The following PADI2 variants were observed in gnomAD, a reference collection of about 807,000 sequenced individuals.
The protein encoded by PADI2 is peptidyl arginine deiminase 2.
A neutral mutation model predicts 81.1 loss-of-function variants in PADI2; 70 were observed. The observed-to-expected ratio is 0.86, with a 90% CI of 0.71 to 1.05. The LOEUF is 1.05. Ranked by LOEUF, PADI2 falls within the 50% of genes least tolerant of loss-of-function variation. The pLI, the probability that PADI2 is intolerant of heterozygous loss-of-function variation, is 0.00. For synonymous variants in PADI2, 338 were observed against 358.0 expected (o/e 0.94, Z 0.63); for missense variants, 853 against 889.9 (o/e 0.96, Z 0.53).
At chr1:17,077,522 A>G (rs1308552813) in intron 11 of PADI2, among the ~76,000 whole-genome samples, 1 of 152,054 alleles carries the variant, frequency 6.6e-6, no homozygotes, top group African/African-American at 2.4e-5. Flanking sequence ...AAGTCCCTCC[A>G]TTTCATCAGG....
intron 2 of PADI2, among the ~76,000 whole-genome samples, chr1:17,103,876 C>T (rs950366030): frequency 4.0e-5 from 6 of 150,600 alleles, no homozygotes; most frequent in South Asian, 2.1e-4. Context: ...CCCAGCTACT[C>T]GGGAGGCTGG....
intron 6 of PADI2, among the ~76,000 whole-genome samples, chr1:17,090,499 C>T (rs142806740): frequency 8.5e-4 from 130 of 152,084 alleles, no homozygotes; most frequent in African/African-American, 3.0e-3. Flanking sequence ...CACAGGGGTG[C>T]CTGGAATTTG....
rs879542499 is a variant in PADI2, at chr1:17,104,928, T to C, written c.226A>G (p.Thr76Ala). 3 of 1,603,258 alleles carry C rather than the reference T, an allele frequency of 1.9e-6. No homozygotes were observed. In the Admixed American group the frequency reaches 5.0e-5, roughly 27 times the overall value. Reference protein sequence around the residue: ...KQRWLLSPSTTLRVTMSQAST... With the variant: ...KQRWLLSPSTALRVTMSQAST... ...GCCTGGCTCATGGTGACCCGCAGGGTGGTGCTGGGCGAGAGAAGCCAGCGC... is the reference window on the plus strand; with the variant it reads ...GCCTGGCTCATGGTGACCCGCAGGGCGGTGCTGGGCGAGAGAAGCCAGCGC... Residue 76 changes from threonine (T) to alanine (A), a missense_variant, in exon 2 of 16, where the codon ACC (threonine) becomes GCC (alanine). Physicochemically the swap from Thr to Ala is moderately conservative, Grantham distance 58 (BLOSUM62 0). Coordinates refer to ENST00000375486, the MANE Select transcript of PADI2 (RefSeq NM_007365.3).
chr1:17,067,334 T>C lies in PADI2; in HGVS notation c.*1710A>G, dbSNP rs981579686. Reference sequence around the variant, plus strand: ...CACTTGGTGTTTTCAGCTCTGGGGCTGGAGAGATCTGGGGCTTTGGCCTCC... The same window carrying C: ...CACTTGGTGTTTTCAGCTCTGGGGCCGGAGAGATCTGGGGCTTTGGCCTCC... On this transcript the variant is annotated 3_prime_UTR_variant, in exon 16 of 16. Transcript: ENST00000375486. 1 of 151,934 alleles carries C rather than the reference T, an allele frequency of 6.6e-6. No individual in the cohort carries two copies. Among genetic ancestry groups the C allele is most frequent in the African/African-American group, 2.4e-5 (1 of 41,334 alleles). The allele number at this position is 151,934 out of a possible 1,614,324, so 9.4% of individuals were successfully genotyped here.
chr1:17,105,786 T>C (rs766115529), intron 1 of PADI2, among the ~76,000 whole-genome samples: 1 of 152,196 alleles, frequency 6.6e-6, no homozygotes, highest in Non-Finnish European at 1.5e-5. Flanking sequence ...GCCAGCTGCA[T>C]TGCAGTCACC....
chr1:17,068,280 G>C lies in PADI2; in HGVS notation c.*764C>G, dbSNP rs2235927. 6.6e-6 allele frequency: 1 copy of C among 152,530 alleles called. No individual in the cohort carries two copies. The highest frequency in any genetic ancestry group is 2.4e-5 in the African/African-American group (1 of 41,388). The allele number at this position is 152,530 out of a possible 1,614,324, so 9.4% of individuals were successfully genotyped here. On this transcript the variant is annotated 3_prime_UTR_variant, in exon 16 of 16. Coordinates refer to ENST00000375486, the MANE Select transcript of PADI2 (RefSeq NM_007365.3). ...TATGGCTGACCAGGGGCATCTTTAC[G>C]CATTGAACTCTCAGGTCACAAGTAT...
intron 6 of PADI2, among the ~76,000 whole-genome samples, chr1:17,091,282 C>T (rs569288757): frequency 6.7e-6 from 1 of 148,708 alleles, no homozygotes; most frequent in African/African-American, 2.5e-5. Context: ...GAGATCCTGG[C>T]CCCCCTAGGC....
rs1931057159 is a variant in PADI2, at chr1:17,099,315, T to G, written c.350-3345A>C. ...TAGGATCAAGCCCCTTAGGTTGATG[T>G]TAAAATTTTCTGGGGCCCGCATATG... On this transcript the variant is annotated intron_variant, in intron 3 of 15. Transcript: ENST00000375486. Among the ~76,000 whole-genome samples, 2 of 152,242 alleles carry G rather than the reference T, an allele frequency of 1.3e-5. 1 individual carries two copies. The highest frequency in any genetic ancestry group is 4.1e-4 in the South Asian group (2 of 4,824).
chr1:17,109,973 A>G (rs1931516611), intron 1 of PADI2, among the ~76,000 whole-genome samples: 1 of 152,154 alleles, frequency 6.6e-6, no homozygotes, highest in Non-Finnish European at 1.5e-5. Flanking sequence ...GAGGCTCCAG[A>G]GGGTTAACGC....
intron 11 of PADI2, among the ~76,000 whole-genome samples, chr1:17,078,663 T>C (rs898323004): frequency 2.0e-5 from 3 of 151,930 alleles, no homozygotes; most frequent in African/African-American, 7.3e-5. Context: ...GCTGGGACTA[T>C]AGGCATGGGC....
At chr1:17,103,422 C>T (rs556444353) in intron 2 of PADI2, among the ~76,000 whole-genome samples, 1 of 152,280 alleles carries the variant, frequency 6.6e-6, no homozygotes, top group East Asian at 1.9e-4. Context: ...TCAATGCCAT[C>T]ACTGTGATGG....
At chr1:17,116,558 G>T (rs188208282) in intron 1 of PADI2, among the ~76,000 whole-genome samples, 3 of 152,184 alleles carry the variant, frequency 2.0e-5, no homozygotes, top group Non-Finnish European at 4.4e-5. Flanking sequence ...CAGTGGGCTC[G>T]TGGCCAGGGT....
intron 14 of PADI2, 59 bp downstream of exon 14, chr1:17,071,347 G>A: frequency 1.6e-6 from 2 of 1,282,754 alleles, no homozygotes; most frequent in African/African-American, 2.9e-5. Context: ...AGGATGTAAG[G>A]GCCTGAGCCT....
chr1:17,071,306 G>C, intron 14 of PADI2, 100 bp downstream of exon 14: 1 of 829,696 alleles, frequency 1.2e-6, no homozygotes. Context: ...AGGAGCTCCT[G>C]AGCCCTTGGC....
At chr1:17,096,431 C>T (rs1013192187) in intron 3 of PADI2, among the ~76,000 whole-genome samples, 13 of 152,244 alleles carry the variant, frequency 8.5e-5, no homozygotes, top group African/African-American at 2.4e-4. Context: ...TCAGTCTACC[C>T]GGGCATGCGC....
chr1:17,098,071 A>G (rs1220595197), intron 3 of PADI2, among the ~76,000 whole-genome samples: 1 of 151,954 alleles, frequency 6.6e-6, no homozygotes, highest in Non-Finnish European at 1.5e-5. Context: ...GAGGAAACCC[A>G]GGCCCGCAGC....
intron 14 of PADI2, among the ~76,000 whole-genome samples, 174 bp downstream of exon 14, chr1:17,071,232 G>A (rs2078262462): frequency 6.6e-6 from 1 of 152,200 alleles, no homozygotes; most frequent in Non-Finnish European, 1.5e-5. Context: ...TAGCCCAGGA[G>A]CAAAGCAAGG....
At chr1:17,085,467 A>G (rs538478724) in intron 7 of PADI2, among the ~76,000 whole-genome samples, 1 of 152,254 alleles carries the variant, frequency 6.6e-6, no homozygotes, top group African/African-American at 2.4e-5. Flanking sequence ...AAGAAGCCCC[A>G]TCCCCGTCCC....
intron 7 of PADI2, 80 bp from the exon 8 acceptor site, chr1:17,084,782 A>T (rs1211028587): frequency 3.7e-6 from 3 of 808,228 alleles, no homozygotes; most frequent in Non-Finnish European, 6.1e-6. Flanking sequence ...AGCGGGTGAA[A>T]CTGATGACAG....
Sources: gnomAD v4.1 joint callset for allele counts (sites outside exome capture counted in the v4.1 genomes callset) on GRCh38, gnomAD v4.1.1 for gene constraint, MANE v1.5 for transcripts, NCBI Gene and HGNC (gene_info 2026-07-23, HGNC 2026-07-21) for gene names.